The following DAB1 variants were observed in gnomAD, a reference collection of about 807,000 sequenced individuals.
DAB1 encodes the protein DAB adaptor protein 1.
Under a neutral mutation model 64.6 loss-of-function variants are expected in DAB1, and 15 were observed. That is an observed-to-expected ratio of 0.23 (90% CI 0.16 to 0.36). DAB1 has a LOEUF of 0.36. Among genes scored for constraint, DAB1 ranks in the 10% least tolerant of loss-of-function variants. The pLI is 1.00. For missense variants in DAB1, 596 were observed against 706.7 expected, an observed-to-expected ratio of 0.84 and a Z score of 1.78; for synonymous variants, 235 against 251.9, an observed-to-expected ratio of 0.93 and a Z score of 0.64.
At chr1:57,740,067 C>T (rs1034232117) in intron 6 of DAB1, among the ~76,000 whole-genome samples, 173 of 87,048 alleles carry the variant, frequency 2.0e-3, no homozygotes, top group African/African-American at 6.5e-3. Context: ...AAAAAAAATT[C>T]GCCAGGCGTG....
chr1:58,323,546 T>G (rs1294883709), intron 4 of DAB1, among the ~76,000 whole-genome samples: 1 of 152,106 alleles, frequency 6.6e-6, no homozygotes, highest in Non-Finnish European at 1.5e-5. Flanking sequence ...ATAGCCTTTC[T>G]CATTCTCCAC....
chr1:58,358,373 G>A (rs765522722), intron 3 of DAB1, among the ~76,000 whole-genome samples: 1 of 152,068 alleles, frequency 6.6e-6, no homozygotes, highest in South Asian at 2.1e-4. Context: ...TATTTATTGC[G>A]CTTGACAAAG....
chr1:58,411,428 T>C (rs112938139), intron 3 of DAB1, among the ~76,000 whole-genome samples: 1,715 of 152,258 alleles, frequency 0.011, 29 homozygotes, highest in African/African-American at 0.04. Flanking sequence ...TAGAAGCCAG[T>C]GATATACGCA....
Position 58,543,486 on chromosome 1 carries a change from T to C in DAB1, n.32+3217A>G, listed in dbSNP as rs17117744. Among the ~76,000 whole-genome samples the C allele has an allele frequency of 6.4e-3, 980 of 152,312 alleles. 14 individuals are homozygous for C. The highest frequency in any genetic ancestry group is 0.023 in the African/African-American group (937 of 41,556). ...TCTCATTCTAGCCTTTCCTGGGCTC[T>C]GTGGTCTTATGGTGTTGATCACTAC... On this transcript the variant is annotated intron_variant and non_coding_transcript_variant, in intron 1 of 20. Coordinates refer to the DAB1 transcript ENST00000485760.
chr1:57,441,278 C>CT (rs766246912), intron 7 of DAB1, among the ~76,000 whole-genome samples: 9 of 26,952 alleles, frequency 3.3e-4, no homozygotes, highest in Admixed American at 5.7e-4. Flanking sequence ...CTTTCTCTTT[C>CT]TTTCTTTCTT....
At chr1:58,251,823 C>T (rs962682755) in intron 4 of DAB1, among the ~76,000 whole-genome samples, 1 of 151,678 alleles carries the variant, frequency 6.6e-6, no homozygotes, top group African/African-American at 2.4e-5. Flanking sequence ...ACTCCAGCTG[C>T]TGTGCAGAGA....
intron 1 of DAB1, among the ~76,000 whole-genome samples, chr1:57,418,364 A>T (rs1684649984): frequency 6.6e-6 from 1 of 152,246 alleles, no homozygotes; most frequent in African/African-American, 2.4e-5. Flanking sequence ...AGACAGAGAA[A>T]GAGCAAAGAA....
chr1:57,508,321 G>C (rs2101340082), intron 7 of DAB1, among the ~76,000 whole-genome samples: 1 of 152,208 alleles, frequency 6.6e-6, no homozygotes, highest in Non-Finnish European at 1.5e-5. Context: ...GTTAACTGTT[G>C]AACTCGAACA....
intron 5 of DAB1, among the ~76,000 whole-genome samples, chr1:58,085,627 C>T (rs1212938132): frequency 6.6e-6 from 1 of 152,078 alleles, no homozygotes; most frequent in Non-Finnish European, 1.5e-5. Flanking sequence ...CTCAGCCTCC[C>T]AAAGTGTTAG....
chr1:57,908,828 T>C (rs1327076490), intron 5 of DAB1, among the ~76,000 whole-genome samples: 1 of 152,152 alleles, frequency 6.6e-6, no homozygotes, highest in African/African-American at 2.4e-5. Context: ...CATGGAGGCA[T>C]ATGGTTTAGA....
chr1:58,361,696 T>C (rs1314542050), intron 3 of DAB1, among the ~76,000 whole-genome samples: 1 of 152,052 alleles, frequency 6.6e-6, no homozygotes, highest in Admixed American at 6.6e-5. Flanking sequence ...GTCTCAGCTC[T>C]ACCATTTACT....
chr1:57,827,581 G>A (rs1214295672), intron 1 of DAB1, among the ~76,000 whole-genome samples: 2 of 152,134 alleles, frequency 1.3e-5, no homozygotes, highest in African/African-American at 2.4e-5. Flanking sequence ...GGAGTGCCAG[G>A]CAATACTTGG....
At chr1:57,681,816 G>A (rs1646639205) in intron 6 of DAB1, among the ~76,000 whole-genome samples, 1 of 152,184 alleles carries the variant, frequency 6.6e-6, no homozygotes, top group South Asian at 2.1e-4. Context: ...GATAGAAGAT[G>A]TGGAATGAGT....
chr1:57,177,590 A>G (rs1662464056), intron 2 of DAB1, among the ~76,000 whole-genome samples: 1 of 152,158 alleles, frequency 6.6e-6, no homozygotes, highest in Admixed American at 6.6e-5. Context: ...CAAGAACTCT[A>G]AAGCGCATGG....
At chr1:57,099,443 A>G (rs1352392767) in intron 4 of DAB1, among the ~76,000 whole-genome samples, 1 of 152,338 alleles carries the variant, frequency 6.6e-6, no homozygotes, top group African/African-American at 2.4e-5. Context: ...CATCACGGGT[A>G]CTCAATAAAT....
chr1:58,350,409 C>T (rs935456489), intron 3 of DAB1, among the ~76,000 whole-genome samples: 16 of 152,144 alleles, frequency 1.1e-4, no homozygotes, highest in Non-Finnish European at 1.5e-4. Flanking sequence ...CTGTAGGTTG[C>T]CTATTCACTC....
At chr1:57,690,026 G>T (rs1646745050) in intron 6 of DAB1, among the ~76,000 whole-genome samples, 1 of 151,960 alleles carries the variant, frequency 6.6e-6, no homozygotes, top group Non-Finnish European at 1.5e-5. Context: ...TCTGTGTCTG[G>T]CTTATTCCAC....
chr1:57,747,070 T>C (rs939883492), intron 6 of DAB1, among the ~76,000 whole-genome samples: 4 of 152,238 alleles, frequency 2.6e-5, no homozygotes, highest in Non-Finnish European at 5.9e-5. Flanking sequence ...AGTCTTATCC[T>C]TTATATGTTA....
chr1:58,402,872 G>A (rs571427379), intron 3 of DAB1, among the ~76,000 whole-genome samples: 11 of 152,286 alleles, frequency 7.2e-5, no homozygotes, highest in African/African-American at 2.6e-4. Flanking sequence ...ACCCCCATGA[G>A]GAATGCCTTT....
Sources: gnomAD v4.1 joint callset for allele counts (sites outside exome capture counted in the v4.1 genomes callset) on GRCh38, gnomAD v4.1.1 for gene constraint, MANE v1.5 for transcripts, NCBI Gene and HGNC (gene_info 2026-07-23, HGNC 2026-07-21) for gene names.